IL1RAPL1: variants seen among roughly 807,000 people sequenced by gnomAD.
IL1RAPL1 encodes interleukin-1 receptor accessory protein-like 1.
A neutral mutation model predicts 48.4 loss-of-function variants in IL1RAPL1; 3 were observed. The observed-to-expected ratio is 0.06, with a 90% CI of 0.03 to 0.16. IL1RAPL1 has a LOEUF of 0.16. IL1RAPL1 is among the 10% of genes least tolerant of loss of function. The probability of loss-of-function intolerance (pLI) is 1.00; values close to 1 mark genes in which losing one functional copy is unlikely to be tolerated. For missense variants in IL1RAPL1, 349 were observed against 530.6 expected (o/e 0.66, Z 3.36); for synonymous variants, 185 against 187.7 (o/e 0.99, Z 0.12).
rs1035694751 is a variant in IL1RAPL1, at chrX:29,625,364, A to G, written c.704-43066A>G. Reference sequence around the variant, plus strand: ...TTTTTCTTATATTTGATTTAAATATATTGATCTAAACCTACCTGTTCTTAC... The same window carrying G: ...TTTTTCTTATATTTGATTTAAATATGTTGATCTAAACCTACCTGTTCTTAC... On this transcript the variant is annotated intron_variant, in intron 5 of 10. Transcript: ENST00000378993. Among the ~76,000 whole-genome samples the G allele has an allele frequency of 1.1e-4, 12 of 112,200 alleles. No homozygotes were observed. The Admixed American group carries it at 1.1e-3, about 11-fold the overall frequency.
At chrX:29,299,100 C>T (rs1932494347) in intron 3 of IL1RAPL1, among the ~76,000 whole-genome samples, 1 of 110,363 alleles carries the variant, frequency 9.1e-6, no homozygotes, top group South Asian at 3.9e-4. Flanking sequence ...GGCCTAGCCT[C>T]CCAGCCTACA....
At chrX:29,015,920 G>A (rs1926230981) in intron 2 of IL1RAPL1, among the ~76,000 whole-genome samples, 1 of 111,960 alleles carries the variant, frequency 8.9e-6, no homozygotes, top group Non-Finnish European at 1.9e-5. Flanking sequence ...CCTTGTTTGT[G>A]TGCTGGGGAA....
At chrX:29,609,038 T>C (rs901270887) in intron 5 of IL1RAPL1, among the ~76,000 whole-genome samples, 116 of 111,693 alleles carry the variant, frequency 1.0e-3, no homozygotes, top group Non-Finnish European at 1.7e-3. Flanking sequence ...CAAAGTATTA[T>C]TGCTTTTGCA....
intron 2 of IL1RAPL1, among the ~76,000 whole-genome samples, chrX:28,980,305 T>C (rs1246755476): frequency 8.9e-6 from 1 of 112,664 alleles, no homozygotes; most frequent in Admixed American, 9.4e-5. Context: ...AGCACATCTT[T>C]ACTGATTAAG....
intron 6 of IL1RAPL1, among the ~76,000 whole-genome samples, chrX:29,758,505 C>T (rs1928670892): frequency 9.1e-6 from 1 of 110,189 alleles, no homozygotes; most frequent in Non-Finnish European, 1.9e-5. Flanking sequence ...CCAGCCTGAC[C>T]AACATGGTGA....
At chrX:29,758,061 T>G (rs1156710114) in intron 6 of IL1RAPL1, among the ~76,000 whole-genome samples, 2 of 111,581 alleles carry the variant, frequency 1.8e-5, no homozygotes, top group Non-Finnish European at 3.8e-5. Flanking sequence ...GGATCCTATA[T>G]TATTATTTAT....
intron 3 of IL1RAPL1, among the ~76,000 whole-genome samples, chrX:29,358,410 C>G (rs933598168): frequency 9.1e-6 from 1 of 109,935 alleles, no homozygotes; most frequent in African/African-American, 3.3e-5. Context: ...CGCACCCACC[C>G]CCCGCCACAC....
At chrX:29,224,012 T>C (rs765378870) in intron 2 of IL1RAPL1, among the ~76,000 whole-genome samples, 1 of 111,759 alleles carries the variant, frequency 8.9e-6, no homozygotes, top group Non-Finnish European at 1.9e-5. Flanking sequence ...TCCTCAGGAC[T>C]ATATTGTAAT....
chrX:28,747,684 A>G (rs1035024085), intron 1 of IL1RAPL1, among the ~76,000 whole-genome samples: 11 of 111,978 alleles, frequency 9.8e-5, no homozygotes, highest in Non-Finnish European at 2.1e-4. Context: ...TTCTATATAT[A>G]ATATTCTTTG....
intron 8 of IL1RAPL1, among the ~76,000 whole-genome samples, chrX:29,935,673 C>G (rs968521162): frequency 9.0e-6 from 1 of 111,599 alleles, no homozygotes; most frequent in African/African-American, 3.3e-5. Flanking sequence ...ACTTTTTCTT[C>G]TAGCCTTTCA....
intron 5 of IL1RAPL1, among the ~76,000 whole-genome samples, chrX:29,543,453 A>G (rs1221575730): frequency 9.0e-6 from 1 of 110,577 alleles, no homozygotes; most frequent in East Asian, 2.8e-4. Flanking sequence ...AAAGACATAT[A>G]TGAGATTAAA....
intron 1 of IL1RAPL1, among the ~76,000 whole-genome samples, chrX:28,625,682 T>C: frequency 9.1e-6 from 1 of 110,302 alleles, no homozygotes; most frequent in Non-Finnish European, 1.9e-5. Flanking sequence ...ATTTTCCAAG[T>C]GACAGATGTG....
intron 6 of IL1RAPL1, among the ~76,000 whole-genome samples, chrX:29,901,454 G>A (rs1018823864): frequency 8.9e-6 from 1 of 111,986 alleles, no homozygotes; most frequent in Non-Finnish European, 1.9e-5. Context: ...TGATTCTCTT[G>A]AACAGACCCC....
intron 6 of IL1RAPL1, among the ~76,000 whole-genome samples, chrX:29,766,058 C>T (rs1252390405): frequency 1.8e-5 from 2 of 108,730 alleles, no homozygotes; most frequent in African/African-American, 6.7e-5. Flanking sequence ...CGGCTGGGCG[C>T]GGTGGCTCAC....
intron 5 of IL1RAPL1, among the ~76,000 whole-genome samples, chrX:29,562,796 C>T (rs1450112738): frequency 8.9e-6 from 1 of 111,865 alleles, no homozygotes; most frequent in Non-Finnish European, 1.9e-5. Context: ...TTACATAATC[C>T]TCACTTTCTA....
At chrX:29,396,221 C>T (rs755021124) in intron 3 of IL1RAPL1, 37 bp from the exon 4 acceptor site, 42 of 1,118,418 alleles carry the variant, frequency 3.8e-5, no homozygotes, top group Non-Finnish European at 5.0e-5. Flanking sequence ...GCTTTTTGTT[C>T]ACACCAGGTC....
At chrX:28,923,959 C>T (rs2147338956) in intron 2 of IL1RAPL1, 1 of 111,590 alleles carries the variant, frequency 9.0e-6, no homozygotes, top group South Asian at 3.7e-4. Flanking sequence ...TCACATGGCA[C>T]TGTTCCTATT....
Position 29,088,632 on chromosome X carries a change from G to A in IL1RAPL1, c.83-194306G>A, listed in dbSNP as rs1234272065. Among the ~76,000 whole-genome samples the A allele has an allele frequency of 3.3e-5, 3 of 90,171 alleles. 1 individual carries two copies. Among genetic ancestry groups the A allele is most frequent in the African/African-American group, 4.4e-5 (1 of 22,566 alleles). 78.3% of individuals were successfully genotyped at this position (90,171 alleles called of 115,157 possible). ...CGGAGGTTGCAGTGAGCCGACATGC[G>A]CCATTGTACTCCAGCATGGGCAAGA... On this transcript the variant is annotated intron_variant, in intron 2 of 10. Coordinates refer to ENST00000378993, the MANE Select transcript of IL1RAPL1 (RefSeq NM_014271.4).
At chrX:29,062,058 A>G (rs760375849) in intron 2 of IL1RAPL1, among the ~76,000 whole-genome samples, 2 of 112,200 alleles carry the variant, frequency 1.8e-5, no homozygotes, top group South Asian at 7.4e-4. Context: ...TTCCTATTCT[A>G]TAGACTTTGT....
Sources: allele counts gnomAD v4.1 joint callset (sites outside exome capture counted in the v4.1 genomes callset), GRCh38; gene constraint gnomAD v4.1.1; transcripts MANE v1.5; gene names NCBI Gene and HGNC (gene_info 2026-07-23, HGNC 2026-07-21).